Variants in NCOA6 observed in about 807,000 individuals in gnomAD.
NCOA6 encodes NRC RAP250.
In NCOA6, 49 loss-of-function variants were observed where a neutral mutation model predicts 171.4. That is an observed-to-expected ratio of 0.29 (90% CI 0.23 to 0.36). The LOEUF is 0.36. Among genes scored for constraint, NCOA6 ranks in the 10% least tolerant of loss-of-function variants. The pLI is 1.00. For synonymous variants in NCOA6, 910 were observed against 927.5 expected (o/e 0.98, Z 0.34); for missense variants, 2,248 against 2,554.5 (o/e 0.88, Z 2.59).
In NCOA6 at chr20:34,740,565, G is replaced by A. The variant is rs1475909871; in HGVS notation, c.5691C>T (p.Gly1897=). Residue 1897 remains glycine, a synonymous_variant, in exon 11 of 15, where the codon GGC becomes GGT. Coordinates refer to ENST00000359003, the MANE Select transcript of NCOA6 (RefSeq NM_014071.5). ...LKMTSSPVGP[G]TASAGPSLPG... is the part of the protein sequence containing the mutation. ...GTAAGCTGGGTCCTGCTGAGGCAGT[G>A]CCCGGGCCCACAGGGCTAGAGGTCA... 1 of 1,614,176 alleles carries A rather than the reference G, an allele frequency of 6.2e-7. No individual in the cohort carries two copies. The highest frequency in any genetic ancestry group is 8.5e-7 in the Non-Finnish European group (1 of 1,180,036).
chr20:34,774,756 T>C (rs1489115858), intron 4 of NCOA6, among the ~76,000 whole-genome samples: 1 of 152,196 alleles, frequency 6.6e-6, no homozygotes, highest in Non-Finnish European at 1.5e-5. Flanking sequence ...GGTAGGTACT[T>C]ACATCTCTCA....
rs1202025059 is a variant in NCOA6, at chr20:34,740,483, C to T, written c.5773G>A (p.Glu1925Lys). 6.8e-6 allele frequency: 11 copies of T among 1,614,030 alleles called. No homozygotes were observed. Among genetic ancestry groups the T allele is most frequent in the African/African-American group, 5.3e-5 (4 of 74,896 alleles). ...RSIVTTLVPS[E>K]LISAVPTTKS... ...GTGGTCGGTACGGCGGAGATGAGCTCGGAGGGTACCAGAGTGGTTACTATC... is the reference window on the plus strand; with the variant it reads ...GTGGTCGGTACGGCGGAGATGAGCTTGGAGGGTACCAGAGTGGTTACTATC... Residue 1925 changes from glutamate (E) to lysine (K), a missense_variant, in exon 11 of 15, where the codon GAG becomes AAG. Around this residue, in one of 7 missense-constraint regions of NCOA6, gnomAD observed 884 missense variants for 941.9 expected, o/e 0.94. Transcript: ENST00000359003.
intron 2 of NCOA6, among the ~76,000 whole-genome samples, chr20:34,790,241 T>A (rs1430580243): frequency 6.6e-6 from 1 of 152,128 alleles, no homozygotes; most frequent in Non-Finnish European, 1.5e-5. Flanking sequence ...AGGAATGAAG[T>A]GCTGATACAT....
intron 7 of NCOA6, 116 bp from the exon 8 acceptor site, chr20:34,754,984 G>A: frequency 1.6e-5 from 16 of 978,148 alleles, no homozygotes; most frequent in Non-Finnish European, 2.2e-5. Context: ...AGCTCTCTCT[G>A]TCACACTGGT....
chr20:34,755,863 A>C (rs563672245), intron 7 of NCOA6, among the ~76,000 whole-genome samples: 39 of 152,116 alleles, frequency 2.6e-4, no homozygotes, highest in African/African-American at 8.2e-4. Flanking sequence ...CAGCCTCCCA[A>C]GTAGCTGGGA....
chr20:34,741,673 G>A lies in NCOA6; in HGVS notation c.4583C>T (p.Ala1528Val). The part of the protein sequence containing the change: ...PVVSGEDLKK[A>V]SVIPTLQDLS... ...ATCCTGCAGTGTGGGAATGACAGAT[G>A]CTTTTTTGAGGTCCTCCCCAGAAAC... The change falls in exon 11 of 15, where the codon GCA (alanine) becomes GTA (valine). Residue 1528 changes from alanine (A) to valine (V), a missense_variant. Physicochemically the swap from Ala to Val is moderately conservative, Grantham distance 64. This residue lies in a region of NCOA6 where 884 missense variants were observed against 941.9 expected (regional missense o/e 0.94). Transcript: ENST00000359003. 1 of 1,614,206 alleles carries A rather than the reference G, an allele frequency of 6.2e-7. No homozygotes were observed. The highest frequency in any genetic ancestry group is 1.1e-5 in the South Asian group (1 of 91,082).
chr20:34,823,642 C>T (rs1365688307), intron 1 of NCOA6, among the ~76,000 whole-genome samples: 2 of 151,842 alleles, frequency 1.3e-5, no homozygotes, highest in African/African-American at 2.4e-5. Flanking sequence ...TTTCACTTTT[C>T]TTTTTTAGGA....
At chr20:34,765,944 G>T (rs2076970059) in intron 5 of NCOA6, among the ~76,000 whole-genome samples, 1 of 152,178 alleles carries the variant, frequency 6.6e-6, no homozygotes, top group African/African-American at 2.4e-5. Flanking sequence ...AGAGAAGAAA[G>T]CAGTACTAAG....
intron 5 of NCOA6, among the ~76,000 whole-genome samples, chr20:34,765,733 C>T (rs1246950591): frequency 6.6e-6 from 1 of 152,140 alleles, no homozygotes; most frequent in Non-Finnish European, 1.5e-5. Flanking sequence ...TCCCACAACA[C>T]ACAGGACAGC....
chr20:34,747,379 T>C (rs1048670053), intron 9 of NCOA6, among the ~76,000 whole-genome samples: 12 of 152,322 alleles, frequency 7.9e-5, no homozygotes, highest in Admixed American at 1.3e-4. Context: ...AAAGGTTGTA[T>C]AGGTTGGCTG....
chr20:34,724,251 C>G (rs1323531185), intron 14 of NCOA6, among the ~76,000 whole-genome samples: 1 of 152,200 alleles, frequency 6.6e-6, no homozygotes, highest in Non-Finnish European at 1.5e-5. Flanking sequence ...CCTCTCTCAC[C>G]TTTGCCCCTT....
At chr20:34,810,212 G>T (rs796407509) in intron 1 of NCOA6, among the ~76,000 whole-genome samples, 8 of 152,322 alleles carry the variant, frequency 5.3e-5, no homozygotes, top group African/African-American at 1.9e-4. Context: ...ATCTCTGAAA[G>T]ATTCTAAGTA....
chr20:34,777,815 A>G (rs1350872222), intron 3 of NCOA6, among the ~76,000 whole-genome samples: 2 of 152,242 alleles, frequency 1.3e-5, no homozygotes, highest in Non-Finnish European at 2.9e-5. Context: ...TATTCATAGC[A>G]GCATTACCCA....
At chr20:34,758,495 G>A (rs1231998042) in intron 6 of NCOA6, among the ~76,000 whole-genome samples, 1 of 152,172 alleles carries the variant, frequency 6.6e-6, no homozygotes, top group East Asian at 1.9e-4. Flanking sequence ...ATCTCCAGGA[G>A]GGAGGGTAAA....
At chr20:34,812,673 G>A (rs2078705624) in intron 1 of NCOA6, among the ~76,000 whole-genome samples, 1 of 152,006 alleles carries the variant, frequency 6.6e-6, no homozygotes, top group African/African-American at 2.4e-5. Context: ...TGCCCAAATT[G>A]CAACAAAGAG....
intron 1 of NCOA6, among the ~76,000 whole-genome samples, chr20:34,823,778 T>C (rs914565836): frequency 4.6e-5 from 7 of 152,152 alleles, no homozygotes; most frequent in African/African-American, 9.7e-5. Context: ...GCATGGCTCA[T>C]TGCAGCCTTG....
chr20:34,776,226 A>C, intron 4 of NCOA6, 67 bp downstream of exon 4: 1 of 1,543,042 alleles, frequency 6.5e-7, no homozygotes, highest in Non-Finnish European at 8.8e-7. Flanking sequence ...AGCAGCACAG[A>C]AAATCATGCT....
At chr20:34,726,362 AAG>A (rs1656074640) in intron 14 of NCOA6, among the ~76,000 whole-genome samples, 1 of 152,154 alleles carries the variant, frequency 6.6e-6, no homozygotes, top group African/African-American at 2.4e-5. Context: ...GGTCTCTACC[AAG>A]AGAGAGGGGG....
chr20:34,808,057 C>T (rs111835875), intron 1 of NCOA6, among the ~76,000 whole-genome samples: 3 of 151,280 alleles, frequency 2.0e-5, no homozygotes, highest in Admixed American at 6.6e-5. Flanking sequence ...GGCTGAGGCA[C>T]GAGAATCGCT....
Sources: allele counts gnomAD v4.1 joint callset (sites outside exome capture counted in the v4.1 genomes callset), GRCh38; gene constraint gnomAD v4.1.1; regional missense constraint gnomAD v4.1.1; transcripts MANE v1.5; gene names NCBI Gene and HGNC (gene_info 2026-07-23, HGNC 2026-07-21).